The following LOC128071545 variants were observed in gnomAD, a reference collection of about 807,000 sequenced individuals.
At chr15:81,002,195 C>T in the LOC128071545 span, 2 of 1,206,988 alleles carry the variant, frequency 1.7e-6, no homozygotes, top group Non-Finnish European at 2.1e-6. Flanking sequence ...GCGACGGCCG[C>T]CGGGGCGGCG....
At chr15:81,002,272 A>G in the LOC128071545 span, 1 of 1,276,110 alleles carries the variant, frequency 7.8e-7, no homozygotes, top group Non-Finnish European at 9.9e-7. Context: ...CCCGGGCGCG[A>G]TGGCTAGCGG....
chr15:81,002,207 CAGTGGCCGCGGCAGCGGCGGT>C, the LOC128071545 span: 77 of 1,213,682 alleles, frequency 6.3e-5, no homozygotes, highest in East Asian at 1.0e-4. Context: ...GGGGCGGCGG[CAGTGGCCGCGGCAGCGGCGGT>C]GGTAGCGGGC....
At chr15:81,002,193 CGCCGGGGCGGCGGCAGTG>C in the LOC128071545 span, 6 of 1,205,410 alleles carry the variant, frequency 5.0e-6, no homozygotes, top group Non-Finnish European at 6.2e-6. Context: ...TCGCGACGGC[CGCCGGGGCGGCGGCAGTG>C]GCCGCGGCAG....
chr15:81,002,234 C>T, the LOC128071545 span: 143 of 1,229,194 alleles, frequency 1.2e-4, no homozygotes, highest in Non-Finnish European at 1.3e-4. Context: ...GCGGTGGTAG[C>T]GGGCTCCCCA....
chr15:81,002,182 G>A, the LOC128071545 span: 1 of 1,197,140 alleles, frequency 8.4e-7, no homozygotes, highest in Non-Finnish European at 1.0e-6. Flanking sequence ...GGCCAGCTGA[G>A]TCGCGACGGC....
chr15:81,002,208 AGTGGCCGCGGCAGCGGCGGTG>A, the LOC128071545 span: 2 of 1,213,648 alleles, frequency 1.6e-6, no homozygotes. Context: ...GGGCGGCGGC[AGTGGCCGCGGCAGCGGCGGTG>A]GTAGCGGGCT....
chr15:81,002,244 A>G, the LOC128071545 span: 21 of 1,251,548 alleles, frequency 1.7e-5, no homozygotes, highest in Non-Finnish European at 2.1e-5. Flanking sequence ...CGGGCTCCCC[A>G]GCGGCATGCC....
At chr15:81,002,168 C>A in the LOC128071545 span, 1 of 1,164,948 alleles carries the variant, frequency 8.6e-7, no homozygotes, top group Non-Finnish European at 1.1e-6. Flanking sequence ...GGCACCGCGG[C>A]CTTGGCCAGC....
the LOC128071545 span, chr15:81,002,177 G>A: frequency 8.4e-7 from 1 of 1,187,600 alleles, no homozygotes; most frequent in Non-Finnish European, 1.0e-6. Flanking sequence ...GCCTTGGCCA[G>A]CTGAGTCGCG....
chr15:81,002,198 G>C, the LOC128071545 span: 1 of 1,207,454 alleles, frequency 8.3e-7, no homozygotes, highest in South Asian at 4.2e-5. Flanking sequence ...ACGGCCGCCG[G>C]GGCGGCGGCA....
the LOC128071545 span, chr15:81,002,249 C>A: frequency 8.0e-7 from 1 of 1,257,566 alleles, no homozygotes; most frequent in East Asian, 3.2e-5. Flanking sequence ...TCCCCAGCGG[C>A]ATGCCAGTGC....
chr15:81,002,239 T>C, the LOC128071545 span: 11 of 1,231,512 alleles, frequency 8.9e-6, no homozygotes, highest in Non-Finnish European at 1.1e-5. Context: ...GGTAGCGGGC[T>C]CCCCAGCGGC....
the LOC128071545 span, chr15:81,002,259 C>T: frequency 3.2e-6 from 4 of 1,264,650 alleles, no homozygotes; most frequent in Admixed American, 4.1e-5. Flanking sequence ...CATGCCAGTG[C>T]CCCCCGGGCG....
the LOC128071545 span, chr15:81,002,161 ACCG>A: frequency 8.8e-7 from 1 of 1,135,046 alleles, no homozygotes; most frequent in African/African-American, 1.6e-5. Context: ...CGGGGAAGGC[ACCG>A]CGGCCTTGGC....
the LOC128071545 span, chr15:81,002,265 G>A: frequency 5.5e-6 from 7 of 1,272,534 alleles, no homozygotes; most frequent in Admixed American, 8.1e-5. Flanking sequence ...AGTGCCCCCC[G>A]GGCGCGATGG....
At chr15:81,002,204 C>T in the LOC128071545 span, 6 of 1,211,658 alleles carry the variant, frequency 5.0e-6, no homozygotes, top group African/African-American at 9.5e-5. Flanking sequence ...GCCGGGGCGG[C>T]GGCAGTGGCC....
chr15:81,002,151 C>T, the LOC128071545 span: 306 of 1,084,810 alleles, frequency 2.8e-4, no homozygotes, highest in Non-Finnish European at 3.3e-4. Flanking sequence ...CATGATGGTG[C>T]GGGGAAGGCA....
chr15:81,002,270 C>T, the LOC128071545 span: 3 of 1,276,216 alleles, frequency 2.4e-6, no homozygotes, highest in Non-Finnish European at 3.0e-6. Context: ...CCCCCGGGCG[C>T]GATGGCTAGC....
chr15:81,002,232 A>C, the LOC128071545 span: 1 of 1,227,870 alleles, frequency 8.1e-7, no homozygotes, highest in Non-Finnish European at 1.0e-6. Context: ...CGGCGGTGGT[A>C]GCGGGCTCCC....
Sources: gnomAD v4.1 joint callset for allele counts on GRCh38, gnomAD v4.1.1 for gene constraint, MANE v1.5 for transcripts.